Variants in AFF2 observed in about 807,000 individuals in gnomAD.
AFF2 encodes the protein AF4/FMR2 family member 2.
A neutral mutation model predicts 76.9 loss-of-function variants in AFF2; 14 were observed. The ratio of observed to expected loss-of-function variants is 0.18; its 90% CI spans 0.12 to 0.28. AFF2 has a LOEUF of 0.28. Ranked by LOEUF, AFF2 falls within the 10% of genes least tolerant of loss-of-function variation. AFF2 has a pLI of 1.00. For missense variants in AFF2, 868 were observed against 1,001.1 expected (o/e 0.87, Z 1.79); for synonymous variants, 398 against 366.7 (o/e 1.09, Z -0.98).
chrX:148,623,774 C>T (rs1370738451), intron 1 of AFF2, among the ~76,000 whole-genome samples: 1 of 110,562 alleles, frequency 9.0e-6, no homozygotes, highest in African/African-American at 3.3e-5. Context: ...AAAATAACCA[C>T]AGAGTTTCAA....
chrX:148,982,188 A>G (rs1429392878), intron 19 of AFF2, among the ~76,000 whole-genome samples: 1 of 112,227 alleles, frequency 8.9e-6, no homozygotes, highest in African/African-American at 3.2e-5. Context: ...AAGCTTGGGA[A>G]GTTGCATGAA....
chrX:148,865,600 G>A (rs1557276787), intron 7 of AFF2, among the ~76,000 whole-genome samples: 1 of 111,739 alleles, frequency 8.9e-6, no homozygotes, highest in Non-Finnish European at 1.9e-5. Context: ...TTTTACACTG[G>A]CCTTTACCCC....
chrX:148,624,797 A>T (rs1458758192), intron 1 of AFF2, among the ~76,000 whole-genome samples: 4 of 112,052 alleles, frequency 3.6e-5, no homozygotes, highest in Non-Finnish European at 5.6e-5. Flanking sequence ...AAATGGTAAC[A>T]GTCCTTTTTA....
chrX:148,878,488 C>T (rs1240502121), intron 7 of AFF2, among the ~76,000 whole-genome samples: 3 of 111,528 alleles, frequency 2.7e-5, no homozygotes, highest in Non-Finnish European at 5.7e-5. Context: ...TCTTTACTTC[C>T]TGAAATCTCA....
intron 7 of AFF2, among the ~76,000 whole-genome samples, chrX:148,844,459 T>C (rs183631071): frequency 2.0e-4 from 23 of 112,350 alleles, no homozygotes; most frequent in African/African-American, 7.1e-4. Context: ...TATTAACTAT[T>C]GTAGATTTTC....
At chrX:148,835,516 C>T (rs1331433191) in intron 4 of AFF2, among the ~76,000 whole-genome samples, 4 of 91,962 alleles carry the variant, frequency 4.3e-5, no homozygotes, top group Non-Finnish European at 6.1e-5. Flanking sequence ...GATGGAGTCT[C>T]GCTCTGTCAC....
chrX:148,958,547 C>T, intron 12 of AFF2, 89 bp downstream of exon 12: 1 of 1,089,234 alleles, frequency 9.2e-7, no homozygotes, highest in Non-Finnish European at 1.2e-6. Context: ...GGGATCTTGC[C>T]CCAGAAGACT....
At chrX:148,924,759 T>C (rs1052496319) in intron 9 of AFF2, among the ~76,000 whole-genome samples, 2 of 111,803 alleles carry the variant, frequency 1.8e-5, no homozygotes, top group African/African-American at 6.5e-5. Flanking sequence ...ATGTTAGAAT[T>C]AGGCCAAAAT....
intron 3 of AFF2, among the ~76,000 whole-genome samples, chrX:148,693,989 G>A (rs576605784): frequency 5.5e-4 from 61 of 110,068 alleles, no homozygotes; most frequent in South Asian, 3.5e-3. Context: ...CTATGCAGCC[G>A]TAAAAAATGA....
chrX:148,914,954 G>A (rs969574996), intron 9 of AFF2, among the ~76,000 whole-genome samples: 4 of 112,299 alleles, frequency 3.6e-5, no homozygotes, highest in Admixed American at 9.4e-5. Flanking sequence ...ATAGACAGGG[G>A]TCCAAACAGT....
rs782269550 is a variant in AFF2, at chrX:148,980,774, T to C, written c.3607T>C (p.Trp1203Arg). The part of the protein sequence containing the change: ...ASKVAQIPSP[W>R]VSNGKNTPSP... ...AAAAGTCGCACAGATACCCTCTCCATGGGTAAGCAATGGAAAGTAAGTATT... is the reference window on the plus strand; with the variant it reads ...AAAAGTCGCACAGATACCCTCTCCACGGGTAAGCAATGGAAAGTAAGTATT... The change falls in exon 19 of 21, where the codon TGG becomes CGG. Residue 1203 changes from tryptophan to arginine, a missense_variant. By Grantham distance (101) the Trp-to-Arg change is moderately radical. Transcript: ENST00000370460. 1 of 1,195,573 alleles carries C rather than the reference T, an allele frequency of 8.4e-7. No homozygotes were observed. Among genetic ancestry groups the C allele is most frequent in the Non-Finnish European group, 1.1e-6 (1 of 884,212 alleles).
rs2124413129 is a variant in AFF2, at chrX:148,978,367, G to A, written c.3482G>A (p.Arg1161Gln). The A allele has an allele frequency of 2.5e-6, 3 of 1,198,374 alleles. No individual in the cohort carries two copies. The highest frequency in any genetic ancestry group is 3.4e-6 in the Non-Finnish European group (3 of 883,505). Residue 1161 changes from arginine (R) to glutamine (Q), a missense_variant, in exon 18 of 21, where the codon CGA (arginine) becomes CAA (glutamine). By Grantham distance (43) the Arg-to-Gln change is conservative. Around this residue, in one of 6 missense-constraint regions of AFF2, gnomAD observed 57 missense variants for 117.8 expected, o/e 0.48. Coordinates refer to ENST00000370460, the MANE Select transcript of AFF2 (RefSeq NM_002025.4). ...GDKKLAVLCY[R>Q]CLSLLYLRMF... ...GCCTTTCCTCATCACCACAGCTACC[G>A]ATGTTTATCACTCCTCTATTTGAGA...
At chrX:148,556,448 G>A (rs1557239712) in intron 1 of AFF2, among the ~76,000 whole-genome samples, 2 of 111,759 alleles carry the variant, frequency 1.8e-5, no homozygotes, top group African/African-American at 6.5e-5. Context: ...TCCTCTGGCT[G>A]CATATTTTTT....
chrX:148,717,531 C>G (rs1338277577), intron 3 of AFF2, among the ~76,000 whole-genome samples: 1 of 111,712 alleles, frequency 9.0e-6, no homozygotes, highest in Non-Finnish European at 1.9e-5. Context: ...GAATTACACA[C>G]TTAAAAATGG....
intron 3 of AFF2, among the ~76,000 whole-genome samples, chrX:148,805,340 C>T (rs5936439): frequency 0.043 from 4,790 of 111,096 alleles, 125 homozygotes; most frequent in Non-Finnish European, 0.066. Flanking sequence ...TTTGTGGGAC[C>T]GCCCTCAGGA....
chrX:148,526,310 T>C lies in AFF2; in HGVS notation c.47+25166T>C, dbSNP rs782774693. ...GAATATACAGAAGTCCTGTGTACTT[T>C]TATCCAGTTTTCCACAGTGGTAATA... On this transcript the variant is annotated intron_variant, in intron 1 of 20. Coordinates refer to ENST00000370460, the MANE Select transcript of AFF2 (RefSeq NM_002025.4). 1.6e-3 allele frequency among the ~76,000 whole-genome samples: 171 copies of C among 110,273 alleles called. 4 individuals carry two copies. Among genetic ancestry groups the C allele is most frequent in the Admixed American group, 0.015 (152 of 10,247 alleles).
intron 1 of AFF2, among the ~76,000 whole-genome samples, chrX:148,640,037 A>G (rs1217992471): frequency 8.9e-6 from 1 of 112,600 alleles, no homozygotes; most frequent in African/African-American, 3.2e-5. Context: ...GGCATTGTCC[A>G]TTTTTATTCA....
At position 148,995,472 on chromosome X, in the gene AFF2, A is replaced by AGGGGGTGGGGGT. The variant is rs1313439532; in HGVS notation, c.*4146_*4157dup. 5.2e-4 allele frequency: 1 copy of AGGGGGTGGGGGT among 1,920 alleles called. No homozygotes were observed. The allele number at this position is 1,920 out of a possible 1,213,427, so 0.2% of individuals were successfully genotyped here. On this transcript the variant is annotated 3_prime_UTR_variant, in exon 21 of 21. Transcript: ENST00000370460. ...AAATTGCATTGTGGGGAGGGCAGAA[A>AGGGGGTGGGGGT]GGGGGTGGGGGTGGGGGCGGGGGGG...
intron 3 of AFF2, among the ~76,000 whole-genome samples, chrX:148,766,249 T>G (rs1357235414): frequency 1.8e-5 from 2 of 109,631 alleles, no homozygotes; most frequent in Admixed American, 9.7e-5. Context: ...CAAATGGTAT[T>G]TCTAGTTCTA....
Sources: allele counts gnomAD v4.1 joint callset (sites outside exome capture counted in the v4.1 genomes callset), GRCh38; gene constraint gnomAD v4.1.1; regional missense constraint gnomAD v4.1.1; transcripts MANE v1.5; gene names NCBI Gene and HGNC (gene_info 2026-07-23, HGNC 2026-07-21).